MCM10: variants seen among roughly 807,000 people sequenced by gnomAD.
MCM10 encodes minichromosome maintenance 10 replication initiation factor.
A neutral mutation model predicts 109.9 loss-of-function variants in MCM10; 91 were observed. The observed-to-expected ratio is 0.83, with a 90% CI of 0.70 to 0.99. The LOEUF (loss-of-function observed/expected upper bound fraction) is 0.99. Among genes scored for constraint, MCM10 ranks in the 50% least tolerant of loss-of-function variants. The probability of loss-of-function intolerance (pLI) is 0.00; values close to 1 mark genes in which losing one functional copy is unlikely to be tolerated. For synonymous variants in MCM10, 380 were observed against 387.2 expected (o/e 0.98, Z 0.22); for missense variants, 1,077 against 1,061.2 (o/e 1.01, Z -0.21).
At position 13,172,566 on chromosome 10, in the gene MCM10, C is replaced by T; in HGVS notation, c.455-62C>T. 1 of 1,603,460 alleles carries T rather than the reference C, an allele frequency of 6.2e-7. No homozygotes were observed. Among genetic ancestry groups the T allele is most frequent in the Non-Finnish European group, 8.5e-7 (1 of 1,171,304 alleles). On this transcript the variant is annotated intron_variant, in intron 4 of 19. Coordinates refer to ENST00000378714, the MANE Select transcript of MCM10 (RefSeq NM_018518.5). The surrounding 1 kb of genome is among the most constrained non-coding windows in gnomAD (Gnocchi z 5.2). ...TTTCTGCATCCAACTCCTGTCCAAA[C>T]AGCCCTTTGAACCTCTTTCTGAATG...
chr10:13,177,798 C>T (rs1195848234), intron 6 of MCM10, among the ~76,000 whole-genome samples: 1 of 149,128 alleles, frequency 6.7e-6, no homozygotes, highest in African/African-American at 2.5e-5. Context: ...TGCAGCGGGC[C>T]AAGATTGTGC....
Position 13,186,275 on chromosome 10 carries a change from A to G in MCM10, c.1210A>G (p.Asn404Asp), listed in dbSNP as rs1197057914. The G allele has an allele frequency of 6.2e-7, 1 of 1,607,142 alleles. No individual in the cohort carries two copies. Among genetic ancestry groups the G allele is most frequent in the African/African-American group, 1.3e-5 (1 of 74,698 alleles). Reference protein sequence around the residue: ...KNGEPCTQTVNLRDCEYCQYH... With the variant: ...KNGEPCTQTVDLRDCEYCQYH... ...TGGAGAGCCGTGCACGCAGACTGTG[A>G]ATTTGGTTGGTTTCAGCCTTGTTAG... The change falls in exon 9 of 20, where the codon AAT becomes GAT. Residue 404 changes from asparagine to aspartate, a missense_variant. Coordinates refer to ENST00000378714, the MANE Select transcript of MCM10 (RefSeq NM_018518.5).
rs1834345247 is a variant in MCM10 at position 13,191,410 on chromosome 10, T to G, written c.1516+11T>G. 8 of 1,608,492 alleles carry G rather than the reference T, an allele frequency of 5.0e-6. No homozygotes were observed. The highest frequency in any genetic ancestry group is 6.8e-6 in the Non-Finnish European group (8 of 1,174,890). ...CACGGCAAAAACTCGGTAACTTTGT[T>G]TTTCCATAAGAAATTTCTTTCTCCA... On this transcript the variant is annotated intron_variant, in intron 11 of 19. Transcript: ENST00000378714.
intron 1 of MCM10, 66 bp from the exon 2 acceptor site, chr10:13,164,062 T>C: frequency 3.2e-6 from 2 of 616,004 alleles, no homozygotes; most frequent in Non-Finnish European, 5.3e-6. Flanking sequence ...TCTGGGTTTG[T>C]TGGATGTGTG....
chr10:13,194,954 G>T, intron 13 of MCM10, 87 bp from the exon 14 acceptor site: 1 of 1,244,926 alleles, frequency 8.0e-7, no homozygotes, highest in African/African-American at 1.5e-5. Context: ...CTGGTGGCCT[G>T]CCTGCCGCCT....
intron 1 of MCM10, among the ~76,000 whole-genome samples, chr10:13,163,718 G>A (rs1833958069): frequency 6.6e-6 from 1 of 152,024 alleles, no homozygotes; most frequent in Non-Finnish European, 1.5e-5. Flanking sequence ...TTTTAAAAAA[G>A]ACAAGGTCTT....
chr10:13,188,816 G>A, intron 9 of MCM10, 65 bp from the exon 10 acceptor site: 1 of 1,373,072 alleles, frequency 7.3e-7, no homozygotes, highest in Admixed American at 1.7e-5. Flanking sequence ...AAGGAACTGT[G>A]TCTGCTCACT....
chr10:13,183,175 G>A, intron 8 of MCM10, 75 bp downstream of exon 8: 1 of 1,495,804 alleles, frequency 6.7e-7, no homozygotes, highest in Non-Finnish European at 9.2e-7. Context: ...GATGTTTGAT[G>A]CAGCACACAG....
intron 9 of MCM10, among the ~76,000 whole-genome samples, chr10:13,186,881 A>G (rs140452847): frequency 0.019 from 2,846 of 152,206 alleles, 93 homozygotes; most frequent in African/African-American, 0.064. Flanking sequence ...AGTTCCAGCT[A>G]CTCAGGAGGC....
chr10:13,202,992 G>A (rs184548708), intron 17 of MCM10, among the ~76,000 whole-genome samples: 90 of 152,064 alleles, frequency 5.9e-4, no homozygotes, highest in Middle Eastern at 3.4e-3. Flanking sequence ...TTACAGGCAC[G>A]CACCACACTG....
chr10:13,184,997 C>G (rs968709202), intron 8 of MCM10, among the ~76,000 whole-genome samples: 1 of 152,172 alleles, frequency 6.6e-6, no homozygotes, highest in Non-Finnish European at 1.5e-5. Context: ...AGTGGTTCAG[C>G]ATAAACCAAG....
In MCM10 at chr10:13,189,034, G is replaced by A. The variant is rs775135785; in HGVS notation, c.1369G>A (p.Gly457Ser). Residue 457 changes from glycine (G) to serine (S), a missense_variant, in exon 10 of 20, where the codon GGC becomes AGC. Coordinates refer to ENST00000378714, the MANE Select transcript of MCM10 (RefSeq NM_018518.5). ...CCTCAAAGAACGGCTGTGCCAAGAT[G>A]GCTTTTACTACGGAGGGGTTTCTTC... Reference protein sequence around the residue: ...TSLKERLCQDGFYYGGVSSAS... With the variant: ...TSLKERLCQDSFYYGGVSSAS... 3 of 1,614,234 alleles carry A rather than the reference G, an allele frequency of 1.9e-6. No individual in the cohort carries two copies. Among genetic ancestry groups the A allele is most frequent in the Middle Eastern group, 1.6e-4 (1 of 6,062 alleles).
chr10:13,182,383 G>A lies in MCM10; in HGVS notation c.931-550G>A, dbSNP rs1396344315. On this transcript the variant is annotated intron_variant, in intron 7 of 19. Transcript: ENST00000378714. This position sits in a 1 kb window ranked among gnomAD's most constrained non-coding sequence, Gnocchi z 4.2. ...CCCAGCTGCTTGGGAGGCTGAGGAT[G>A]GAGGATTCTTTGAGCCCAGGAGTTG... is the stretch of plus-strand genomic sequence containing the variant. 1.3e-5 allele frequency among the ~76,000 whole-genome samples: 2 copies of A among 152,050 alleles called. No individual in the cohort carries two copies. Among genetic ancestry groups the A allele is most frequent in the African/African-American group, 4.8e-5 (2 of 41,394 alleles).
chr10:13,209,044 G>A (rs766119091), intron 18 of MCM10, 47 bp from the exon 19 acceptor site: 4 of 1,419,928 alleles, frequency 2.8e-6, no homozygotes, highest in South Asian at 1.1e-5. Context: ...CTTTACATGA[G>A]TGGGCCTACA....
At position 13,180,445 on chromosome 10, in the gene MCM10, G is replaced by A; in HGVS notation, c.768G>A (p.Arg256=). ...VEAFSGLRLR[R]PRVSSTEMNK... ...AATCGCTGGTTTCTTAACCCAGGCG[G>A]CCTCGAGTATCCTCCACAGAAATGA... Residue 256 remains arginine, a synonymous_variant, in exon 7 of 20, where the codon CGG becomes CGA. Coordinates refer to ENST00000378714, the MANE Select transcript of MCM10 (RefSeq NM_018518.5). 1 of 1,607,918 alleles carries A rather than the reference G, an allele frequency of 6.2e-7. No individual in the cohort carries two copies. The highest frequency in any genetic ancestry group is 8.5e-7 in the Non-Finnish European group (1 of 1,177,654).
chr10:13,178,217 T>A (rs1379139497), intron 6 of MCM10, among the ~76,000 whole-genome samples: 1 of 152,164 alleles, frequency 6.6e-6, no homozygotes, highest in Non-Finnish European at 1.5e-5. Context: ...CCTCTCAGCC[T>A]CCCGAGTAGC....
rs764944653 is a variant in MCM10, at chr10:13,172,406, A to C, written c.380A>C (p.Lys127Thr). Residue 127 changes from lysine to threonine, a missense_variant, in exon 4 of 20, where the codon AAG becomes ACG. Transcript: ENST00000378714. The surrounding 1 kb of genome is among the most constrained non-coding windows in gnomAD (Gnocchi z 5.2). ...TTAAGGAATTTGCAAGAGCAAATGAAGGCCTTACAAGAGCAGCTAAAAGTA... is the reference window on the plus strand; with the variant it reads ...TTAAGGAATTTGCAAGAGCAAATGACGGCCTTACAAGAGCAGCTAAAAGTA... ...EELRNLQEQM[K>T]ALQEQLKVTT... The C allele has an allele frequency of 6.2e-7, 1 of 1,613,890 alleles. No homozygotes were observed. Among genetic ancestry groups the C allele is most frequent in the Non-Finnish European group, 8.5e-7 (1 of 1,179,924 alleles).
intron 16 of MCM10, among the ~76,000 whole-genome samples, chr10:13,199,156 A>G (rs35670867): frequency 6.6e-6 from 1 of 152,280 alleles, no homozygotes; most frequent in East Asian, 1.9e-4. Flanking sequence ...TTGGCCTCCC[A>G]AAGTGCTGGG....
intron 2 of MCM10, among the ~76,000 whole-genome samples, chr10:13,169,669 A>G (rs1462485755): frequency 2.0e-5 from 3 of 152,218 alleles, no homozygotes; most frequent in Non-Finnish European, 4.4e-5. Flanking sequence ...ATAGGATACA[A>G]TATAGCAACG....
Sources: allele counts gnomAD v4.1 joint callset (sites outside exome capture counted in the v4.1 genomes callset), GRCh38; gene constraint gnomAD v4.1.1; non-coding constraint Gnocchi (gnomAD v3.1); transcripts MANE v1.5; gene names NCBI Gene and HGNC (gene_info 2026-07-23, HGNC 2026-07-21).